The following PIWIL3 variants were observed in gnomAD, a reference collection of about 807,000 sequenced individuals.
PIWIL3 encodes piwi like RNA-mediated gene silencing 3.
Under a neutral mutation model 109.7 loss-of-function variants are expected in PIWIL3, and 101 were observed. That is an observed-to-expected ratio of 0.92 (90% confidence interval 0.78 to 1.09). PIWIL3 has a LOEUF of 1.09. Among genes scored for constraint, PIWIL3 ranks in the 50% least tolerant of loss-of-function variants. PIWIL3 has a pLI of 0.00. For synonymous variants in PIWIL3, 373 were observed against 376.4 expected, an observed-to-expected ratio of 0.99 and a Z score of 0.10; for missense variants, 1,031 against 1,072.6, an observed-to-expected ratio of 0.96 and a Z score of 0.54.
intron 11 of PIWIL3, 50 bp downstream of exon 11, chr22:24,749,354 T>A (rs1397614273): frequency 6.3e-7 from 1 of 1,599,332 alleles, no homozygotes; most frequent in East Asian, 2.2e-5. Context: ...TCAGCTTCAC[T>A]GGGACACCAT....
intron 19 of PIWIL3, 98 bp downstream of exon 19, chr22:24,723,032 G>A: frequency 7.5e-7 from 1 of 1,337,822 alleles, no homozygotes; most frequent in South Asian, 1.4e-5. Context: ...AGAATCAGCA[G>A]TGCTTTAAGG....
In PIWIL3 at chr22:24,759,933, T is replaced by G. The variant is rs1925315834; in HGVS notation, c.159A>C (p.Pro53=). 1 of 1,614,160 alleles carries G rather than the reference T, an allele frequency of 6.2e-7. No homozygotes were observed. The highest frequency in any genetic ancestry group is 1.7e-5 in the Admixed American group (1 of 60,022). The change falls in exon 3 of 21, where the codon CCA becomes CCC. Residue 53 remains proline, a synonymous_variant. Transcript: ENST00000616349. ...CTCTTGGCTGCAGAGGTCTAACCAC[T>G]GGGACTTCCTCCTGCAGCGGCCGGG... is the stretch of plus-strand genomic sequence containing the variant. ...STPRPLQEEV[P]VVRPLQPRAA... is the part of the protein sequence containing the mutation.
At chr22:24,739,103 G>A (rs1372581710) in intron 12 of PIWIL3, among the ~76,000 whole-genome samples, 1 of 151,982 alleles carries the variant, frequency 6.6e-6, no homozygotes, top group African/African-American at 2.4e-5. Context: ...TCTCTTAAGA[G>A]CAGAATTAAA....
At chr22:24,758,156 A>C in intron 3 of PIWIL3, 117 bp from the exon 4 acceptor site, 1 of 1,230,868 alleles carries the variant, frequency 8.1e-7, no homozygotes, top group Non-Finnish European at 1.1e-6. Flanking sequence ...AAGGTTCCAA[A>C]ACACATTTCC....
chr22:24,728,585 TATTAC>T (rs1469125884), intron 14 of PIWIL3, among the ~76,000 whole-genome samples: 3 of 152,192 alleles, frequency 2.0e-5, no homozygotes, highest in Non-Finnish European at 2.9e-5. Flanking sequence ...ATTAGAAAAT[TATTAC>T]ATTAGTTATT....
intron 12 of PIWIL3, among the ~76,000 whole-genome samples, chr22:24,743,875 A>G (rs1038084968): frequency 1.3e-5 from 2 of 152,284 alleles, no homozygotes; most frequent in African/African-American, 2.4e-5. Context: ...AATAGAGTTT[A>G]TTCATTTTCT....
In PIWIL3 at chr22:24,725,491, C is replaced by T; in HGVS notation, c.2034G>A (p.Gln678=). ...CTTTCACAAGCTCTTCTCCTGTTTT[C>T]TGGATGACACATTGAGAGTACCACC... ...LTKWYSQCVI[Q]KTGEELVKEL... is the part of the protein sequence containing the mutation. The change falls in exon 17 of 21, where the codon CAG becomes CAA. Residue 678 remains glutamine (Q), a synonymous_variant. Transcript: ENST00000616349. 3 of 1,614,098 alleles carry T rather than the reference C, an allele frequency of 1.9e-6. No individual in the cohort carries two copies. The highest frequency in any genetic ancestry group is 2.2e-5 in the South Asian group (2 of 91,090).
intron 1 of PIWIL3, among the ~76,000 whole-genome samples, chr22:24,764,528 A>G (rs1440174503): frequency 2.6e-5 from 4 of 151,964 alleles, no homozygotes; most frequent in African/African-American, 7.3e-5. Context: ...TAAACTTTCC[A>G]GTAGTTCTTA....
chr22:24,738,292 G>A (rs557724838), intron 12 of PIWIL3, among the ~76,000 whole-genome samples: 2 of 152,232 alleles, frequency 1.3e-5, no homozygotes, highest in Non-Finnish European at 2.9e-5. Context: ...CTCCTGACTG[G>A]CATTTCTGTA....
At chr22:24,759,723 AAG>A in intron 3 of PIWIL3, 144 bp downstream of exon 3, 4 of 1,220,058 alleles carry the variant, frequency 3.3e-6, no homozygotes, top group East Asian at 2.3e-5. Context: ...TCACTGCACA[AAG>A]AGAGACAGTT....
chr22:24,749,751 G>A lies in PIWIL3; in HGVS notation c.1158C>T (p.Gly386=). Residue 386 remains glycine (G), a synonymous_variant, in exon 10 of 21, where the codon GGC becomes GGT. Coordinates refer to ENST00000616349, the MANE Select transcript of PIWIL3 (RefSeq NM_001255975.1). ...TAGGTTCACGTTGTGTACCCGTTAG[G>A]CCCTTTTTCCATCTGCCCTGGCTGA... is the stretch of plus-strand genomic sequence containing the variant. ...LLVSQGRWKK[G]LTGTQREPIL... 1 of 1,613,770 alleles carries A rather than the reference G, an allele frequency of 6.2e-7. No homozygotes were observed.
At position 24,742,662 on chromosome 22, in the gene PIWIL3, T is replaced by C. The variant is rs149074151; in HGVS notation, c.1449+6245A>G. Among the ~76,000 whole-genome samples, 456 of 152,320 alleles carry C rather than the reference T, an allele frequency of 3.0e-3. 2 individuals carry two copies. Among genetic ancestry groups the C allele is most frequent in the African/African-American group, 0.011 (438 of 41,560 alleles). On this transcript the variant is annotated intron_variant, in intron 12 of 20. Coordinates refer to ENST00000616349, the MANE Select transcript of PIWIL3 (RefSeq NM_001255975.1). ...AACAAAGTGGGGAAAGGATAACCTA[T>C]TCAACAAATGATGCTGGTATAATTG...
chr22:24,723,169 G>A lies in PIWIL3; in HGVS notation c.2318C>T (p.Pro773Leu), dbSNP rs1306300152. ...CAACTCTACATCAATAACTGTTCCT[G>A]GAGGTGGATTTTGAAAATTGCTTCC... ...KHGSNFQNPP[P>L]GTVIDVELTR... The change falls in exon 19 of 21, where the codon CCA (proline) becomes CTA (leucine). Residue 773 changes from proline to leucine, a missense_variant. Pro to Leu is a moderately conservative substitution (Grantham distance 98). Transcript: ENST00000616349. The A allele has an allele frequency of 1.9e-6, 3 of 1,613,046 alleles. No individual in the cohort carries two copies. In the Admixed American group the frequency reaches 5.0e-5, roughly 27 times the overall value.
rs1211132978 is a variant in PIWIL3, at chr22:24,756,717, A to G, written c.356-12T>C. On this transcript the variant is annotated splice_polypyrimidine_tract_variant and intron_variant, in intron 4 of 20. Coordinates refer to ENST00000616349, the MANE Select transcript of PIWIL3 (RefSeq NM_001255975.1). ...TGTACCCTCTGAACCTGAAAAATGGAGCCACATGACAATAAAGAAACAGAC... is the reference window on the plus strand; with the variant it reads ...TGTACCCTCTGAACCTGAAAAATGGGGCCACATGACAATAAAGAAACAGAC... The G allele has an allele frequency of 1.9e-6, 3 of 1,599,724 alleles. No homozygotes were observed. Among genetic ancestry groups the G allele is most frequent in the East Asian group, 4.5e-5 (2 of 44,804 alleles).
In PIWIL3 at chr22:24,754,107, T is replaced by C. The variant is rs370821842; in HGVS notation, c.884A>G (p.Tyr295Cys). ...GGCAGATGTTCTCTTTATGAAATCA[T>C]AAGCAGTTTCTATTCGGAGCAGTTT... ...SHKLLRIETA[Y>C]DFIKRTSAQA... Residue 295 changes from tyrosine (Y) to cysteine (C), a missense_variant, in exon 8 of 21, where the codon TAT (tyrosine) becomes TGT (cysteine). Physicochemically the swap from Tyr to Cys is radical, Grantham distance 194 (BLOSUM62 -2). Coordinates refer to ENST00000616349, the MANE Select transcript of PIWIL3 (RefSeq NM_001255975.1). 6.2e-6 allele frequency: 10 copies of C among 1,613,504 alleles called. No homozygotes were observed. The highest frequency in any genetic ancestry group is 8.5e-6 in the Non-Finnish European group (10 of 1,179,376).
chr22:24,773,795 A>G (rs1926269967), intron 1 of PIWIL3, among the ~76,000 whole-genome samples: 1 of 146,106 alleles, frequency 6.8e-6, no homozygotes, highest in Admixed American at 7.0e-5. Flanking sequence ...GCTCACTGCA[A>G]CCTCCGCCTC....
rs760715017 is a variant in PIWIL3, at chr22:24,755,771, C to A, written c.692+13G>T. ...CGAATGAGTATCAAAGAAACTCAAC[C>A]CCGGTAACATACCTTCTAAAGAGAA... is the stretch of plus-strand genomic sequence containing the variant. On this transcript the variant is annotated intron_variant, in intron 6 of 20. Coordinates refer to ENST00000616349, the MANE Select transcript of PIWIL3 (RefSeq NM_001255975.1). 3 of 1,613,722 alleles carry A rather than the reference C, an allele frequency of 1.9e-6. No individual in the cohort carries two copies. The highest frequency in any genetic ancestry group is 1.7e-5 in the Admixed American group (1 of 59,980).
intron 18 of PIWIL3, 143 bp downstream of exon 18, chr22:24,724,744 T>C: frequency 1.0e-6 from 1 of 960,670 alleles, no homozygotes; most frequent in Non-Finnish European, 1.5e-6. Flanking sequence ...GCCAATTTTT[T>C]CATTTTTTGT....
intron 1 of PIWIL3, among the ~76,000 whole-genome samples, chr22:24,764,182 C>T (rs1925642865): frequency 6.6e-6 from 1 of 152,246 alleles, no homozygotes; most frequent in African/African-American, 2.4e-5. Flanking sequence ...TCTTCTGGCG[C>T]CGCCTCCGTC....
Sources: gnomAD v4.1 joint callset for allele counts (sites outside exome capture counted in the v4.1 genomes callset) on GRCh38, gnomAD v4.1.1 for gene constraint, MANE v1.5 for transcripts, NCBI Gene and HGNC (gene_info 2026-07-23, HGNC 2026-07-21) for gene names.